Variants in NAV2 observed in about 807,000 individuals in gnomAD.
NAV2 encodes helicase, APC down-regulated 1.
A neutral mutation model predicts 223.2 loss-of-function variants in NAV2; 54 were observed. That is an observed-to-expected ratio of 0.24 (90% CI 0.19 to 0.30). The LOEUF is 0.30. Among genes scored for constraint, NAV2 ranks in the 10% least tolerant of loss-of-function variants. The probability of loss-of-function intolerance (pLI) is 1.00; values close to 1 mark genes in which losing one functional copy is unlikely to be tolerated. For synonymous variants in NAV2, 1,279 were observed against 1,239.3 expected, an observed-to-expected ratio of 1.03 and a Z score of -0.67; for missense variants, 2,806 against 3,147.5, an observed-to-expected ratio of 0.89 and a Z score of 2.60.
intron 1 of NAV2, among the ~76,000 whole-genome samples, chr11:19,356,942 A>G (rs1853655665): frequency 2.0e-5 from 3 of 152,230 alleles, no homozygotes. Context: ...GAAGTTGAAC[A>G]ATGATTCAGG....
intron 1 of NAV2, among the ~76,000 whole-genome samples, chr11:19,743,490 CA>C (rs2053042104): frequency 6.6e-6 from 1 of 152,208 alleles, no homozygotes; most frequent in African/African-American, 2.4e-5. Context: ...GTCTTGCCTG[CA>C]GTCTGCTCAC....
In NAV2 at chr11:19,609,462, G is replaced by C. The variant is rs538033758; in HGVS notation, c.76-223022G>C. The stretch of plus-strand genomic sequence containing the variant: ...AGAGAGAGGTAGAGAGGGAAGAAGA[G>C]CAGGTGAAGGGAGGGTGAAGGTAAG... On this transcript the variant is annotated intron_variant, in intron 1 of 37. Transcript: ENST00000360655. Among the ~76,000 whole-genome samples, 5 of 152,272 alleles carry C rather than the reference G, an allele frequency of 3.3e-5. No homozygotes were observed. The South Asian group carries it at 8.3e-4, about 25-fold the overall frequency.
At chr11:19,689,706 G>C (rs1012408215) in intron 1 of NAV2, among the ~76,000 whole-genome samples, 2 of 152,174 alleles carry the variant, frequency 1.3e-5, no homozygotes, top group African/African-American at 4.8e-5. Context: ...TTCACAAGCA[G>C]ATGAATTCAG....
At chr11:19,907,643 C>T (rs567944192) in intron 6 of NAV2, among the ~76,000 whole-genome samples, 1 of 152,258 alleles carries the variant, frequency 6.6e-6, no homozygotes, top group South Asian at 2.1e-4. Context: ...AAAGAAGATA[C>T]ATCTTTTGGC....
At chr11:20,050,276 C>G (rs1401297215) in intron 16 of NAV2, among the ~76,000 whole-genome samples, 2 of 152,154 alleles carry the variant, frequency 1.3e-5, no homozygotes, top group African/African-American at 4.8e-5. Context: ...GACCTGCCAC[C>G]CACTGTGTAG....
At chr11:19,358,923 A>T (rs1430929298) in intron 1 of NAV2, among the ~76,000 whole-genome samples, 2 of 152,256 alleles carry the variant, frequency 1.3e-5, no homozygotes, top group Non-Finnish European at 2.9e-5. Flanking sequence ...TGCACCTCAC[A>T]TGTGTAAATC....
At chr11:19,567,649 A>C (rs990649549) in intron 1 of NAV2, among the ~76,000 whole-genome samples, 6 of 152,134 alleles carry the variant, frequency 3.9e-5, no homozygotes. Flanking sequence ...CTTGGCCCTC[A>C]GACATCTCAC....
intron 1 of NAV2, among the ~76,000 whole-genome samples, chr11:19,415,123 C>T (rs776591559): frequency 4.6e-5 from 7 of 151,874 alleles, no homozygotes; most frequent in East Asian, 1.9e-4. Flanking sequence ...GATAGAGACA[C>T]GAAAAACCCT....
At chr11:20,006,760 G>A (rs1485595152) in intron 11 of NAV2, among the ~76,000 whole-genome samples, 1 of 152,068 alleles carries the variant, frequency 6.6e-6, no homozygotes, top group Non-Finnish European at 1.5e-5. Flanking sequence ...GCTGAGATGG[G>A]AGGATCACTT....
intron 1 of NAV2, among the ~76,000 whole-genome samples, chr11:19,396,561 CAGA>C (rs549222566): frequency 6.6e-6 from 1 of 152,306 alleles, no homozygotes; most frequent in South Asian, 2.1e-4. Flanking sequence ...GTTGCATCTC[CAGA>C]AGGAGCATGT....
chr11:19,587,345 C>T (rs756549187), intron 1 of NAV2, among the ~76,000 whole-genome samples: 7 of 152,204 alleles, frequency 4.6e-5, no homozygotes, highest in Admixed American at 2.0e-4. Flanking sequence ...CGATGCCTTG[C>T]CCTGCTTCAG....
At chr11:19,385,677 A>G (rs908610769) in intron 1 of NAV2, among the ~76,000 whole-genome samples, 7 of 151,358 alleles carry the variant, frequency 4.6e-5, no homozygotes, top group Non-Finnish European at 1.0e-4. Flanking sequence ...AGAAATGCAT[A>G]TTAATGCACA....
chr11:19,926,650 A>C (rs1272885350), intron 6 of NAV2, among the ~76,000 whole-genome samples: 6 of 152,124 alleles, frequency 3.9e-5, no homozygotes, highest in African/African-American at 1.4e-4. Flanking sequence ...AGAAAAAAAA[A>C]AAAACAAAAA....
chr11:20,023,281 T>TGGGGGGGGGGGGGGGGGGG (rs1554901951), intron 11 of NAV2: 1 of 5,478 alleles, frequency 1.8e-4, no homozygotes, highest in African/African-American at 8.9e-4. Flanking sequence ...GGTGTGTGAG[T>TGGGGGGGGGGGGGGGGGGG]GGGGGTGGGA....
chr11:19,554,894 C>G (rs1006563351), intron 1 of NAV2, among the ~76,000 whole-genome samples: 1 of 151,176 alleles, frequency 6.6e-6, no homozygotes, highest in Non-Finnish European at 1.5e-5. Flanking sequence ...TTGCAGTGAG[C>G]TGAGATCGCG....
intron 1 of NAV2, among the ~76,000 whole-genome samples, chr11:19,581,759 C>A (rs1475262087): frequency 6.6e-6 from 1 of 152,190 alleles, no homozygotes. Context: ...TTAATCCAGT[C>A]TATCATCGTT....
At chr11:20,040,284 A>G (rs2056787997) in intron 12 of NAV2, among the ~76,000 whole-genome samples, 1 of 152,184 alleles carries the variant, frequency 6.6e-6, no homozygotes, top group Non-Finnish European at 1.5e-5. Flanking sequence ...AATGCAAGAC[A>G]AAGGCAGGAT....
chr11:19,718,899 G>A (rs1420206779), intron 1 of NAV2, among the ~76,000 whole-genome samples: 1 of 152,068 alleles, frequency 6.6e-6, no homozygotes, highest in African/African-American at 2.4e-5. Context: ...AAAGTATTGA[G>A]CACATATAAG....
At position 19,892,509 on chromosome 11, in the gene NAV2, C is replaced by G; in HGVS notation, c.846C>G (p.Asn282Lys). The G allele has an allele frequency of 6.2e-7, 1 of 1,614,244 alleles. No individual in the cohort carries two copies. Among genetic ancestry groups the G allele is most frequent in the Non-Finnish European group, 8.5e-7 (1 of 1,180,034 alleles). The change falls in exon 6 of 38, where the codon AAC (asparagine) becomes AAG (lysine). Residue 282 changes from asparagine (N) to lysine (K), a missense_variant. Asn to Lys is a moderately conservative substitution (Grantham distance 94). Transcript: ENST00000349880. The stretch of plus-strand genomic sequence containing the variant: ...CACGCGGAGGGTCAACTACTGCTAA[C>G]AACCGACGCAGCCAGAGCTTTAACA... ...AKTRGGSTTANNRRSQSFNNY... is the reference protein window; with the variant it reads ...AKTRGGSTTAKNRRSQSFNNY...
Sources: allele counts gnomAD v4.1 joint callset (sites outside exome capture counted in the v4.1 genomes callset), GRCh38; gene constraint gnomAD v4.1.1; transcripts MANE v1.5; gene names NCBI Gene and HGNC (gene_info 2026-07-23, HGNC 2026-07-21).